SPTSSB: variants seen among roughly 807,000 people sequenced by gnomAD.
The protein encoded by SPTSSB is androgen down regulated in mouse prostate.
SPTSSB carries 6 observed loss-of-function variants against 7.7 expected under a neutral mutation model. The ratio of observed to expected loss-of-function variants is 0.78; its 90% CI spans 0.43 to 1.54. The LOEUF (loss-of-function observed/expected upper bound fraction) is 1.54. Among genes scored for constraint, SPTSSB ranks in the 40% most tolerant of loss-of-function variants. The probability of loss-of-function intolerance (pLI) is 0.01; values close to 1 mark genes in which losing one functional copy is unlikely to be tolerated. For synonymous variants in SPTSSB, 28 were observed against 29.7 expected (o/e 0.94, Z 0.19); for missense variants, 91 against 93.0 (o/e 0.98, Z 0.09).
chr3:161,369,425 G>A (rs1168626122), intron 1 of SPTSSB, among the ~76,000 whole-genome samples: 1 of 106,632 alleles, frequency 9.4e-6, no homozygotes, highest in African/African-American at 3.8e-5. Flanking sequence ...TAGCCATTCC[G>A]GTTGGTGTGA....
At chr3:161,358,673 T>C (rs1714886741) in intron 2 of SPTSSB, among the ~76,000 whole-genome samples, 1 of 152,180 alleles carries the variant, frequency 6.6e-6, no homozygotes, top group Non-Finnish European at 1.5e-5. Flanking sequence ...GGTTACTAAA[T>C]TCAAAACCAG....
rs78965286 is a variant in SPTSSB at position 161,365,744 on chromosome 3, C to T, written c.-126+5691G>A. Among the ~76,000 whole-genome samples the T allele has an allele frequency of 8.9e-3, 1,351 of 152,254 alleles. 23 individuals are homozygous for T. The highest frequency in any genetic ancestry group is 0.031 in the African/African-American group (1,305 of 41,536). ...ATTCTTAAACACTTTTCCTCTAAGC[C>T]TGAAATAAATGTATCCTTTTGACTT... On this transcript the variant is annotated intron_variant, in intron 1 of 2. Coordinates refer to ENST00000620149, the MANE Select transcript of SPTSSB (RefSeq NM_001040100.2).
intron 1 of SPTSSB, among the ~76,000 whole-genome samples, chr3:161,362,731 G>A (rs1715060362): frequency 6.6e-6 from 1 of 151,976 alleles, no homozygotes; most frequent in Admixed American, 6.6e-5. Context: ...ATTGTTAGAG[G>A]AACTGGGGCT....
At chr3:161,350,485 C>T (rs943810427) in intron 2 of SPTSSB, among the ~76,000 whole-genome samples, 5 of 152,156 alleles carry the variant, frequency 3.3e-5, no homozygotes, top group African/African-American at 1.2e-4. Context: ...AACTCCTTCT[C>T]AACTCACTTT....
chr3:161,365,308 A>G (rs1162620839), intron 1 of SPTSSB, among the ~76,000 whole-genome samples: 2 of 152,214 alleles, frequency 1.3e-5, no homozygotes, highest in Non-Finnish European at 2.9e-5. Context: ...TGTCAATAAG[A>G]TAGACATGGT....
At chr3:161,348,407 G>A (rs1714361136) in intron 2 of SPTSSB, among the ~76,000 whole-genome samples, 1 of 152,170 alleles carries the variant, frequency 6.6e-6, no homozygotes, top group South Asian at 2.1e-4. Context: ...CTTAATGATG[G>A]CCTTGAGAAA....
At chr3:161,347,971 G>A (rs900588507) in intron 2 of SPTSSB, 6 of 152,142 alleles carry the variant, frequency 3.9e-5, no homozygotes, top group African/African-American at 1.4e-4. Flanking sequence ...TTACCATGTG[G>A]CTCCTTCTGA....
At chr3:161,347,898 T>G (rs1295888294) in intron 2 of SPTSSB, 2 of 152,000 alleles carry the variant, frequency 1.3e-5, no homozygotes, top group Non-Finnish European at 2.9e-5. Flanking sequence ...ACTGCACTAA[T>G]TAAGTGATGA....
At chr3:161,352,204 T>G (rs151015542) in intron 2 of SPTSSB, among the ~76,000 whole-genome samples, 141 of 152,334 alleles carry the variant, frequency 9.3e-4, no homozygotes, top group African/African-American at 3.2e-3. Context: ...TTAAAGCCCT[T>G]CACAGTTTCA....
chr3:161,371,331 A>T, intron 1 of SPTSSB, 104 bp downstream of exon 1: 1 of 746,456 alleles, frequency 1.3e-6, no homozygotes, highest in Non-Finnish European at 1.6e-6. Flanking sequence ...AAACTGATAA[A>T]TTGCATTAAA....
At position 161,346,248 on chromosome 3, in the gene SPTSSB, A is replaced by G; in HGVS notation, c.76T>C (p.Leu26=). Residue 26 remains leucine, a synonymous_variant, in exon 3 of 3, where the codon TTA becomes CTA. Transcript: ENST00000620149. The part of the protein sequence containing the change: ...QYQIISCCAV[L]EPWERSMFNT... ...AACATAGATCGCTCCCAGGGCTCTAAAACAGCACAGCAGCTAATGATTTGG... is the reference window on the plus strand; with the variant it reads ...AACATAGATCGCTCCCAGGGCTCTAGAACAGCACAGCAGCTAATGATTTGG... The G allele has an allele frequency of 1.2e-6, 2 of 1,614,008 alleles. No individual in the cohort carries two copies. The highest frequency in any genetic ancestry group is 1.7e-6 in the Non-Finnish European group (2 of 1,179,906).
At chr3:161,364,007 C>T (rs1715117829) in intron 1 of SPTSSB, among the ~76,000 whole-genome samples, 1 of 151,986 alleles carries the variant, frequency 6.6e-6, no homozygotes, top group Non-Finnish European at 1.5e-5. Context: ...CTATTACTAT[C>T]CTAGTGTTAA....
intron 2 of SPTSSB, among the ~76,000 whole-genome samples, chr3:161,352,920 T>G (rs192649109): frequency 6.6e-6 from 1 of 152,296 alleles, no homozygotes; most frequent in East Asian, 1.9e-4. Context: ...CCTATTGAAA[T>G]AGCTCTTAGA....
intron 2 of SPTSSB, among the ~76,000 whole-genome samples, chr3:161,347,275 T>G (rs1281695774): frequency 2.2e-4 from 33 of 152,144 alleles, no homozygotes. Flanking sequence ...TTTATTTGTT[T>G]TTGAGAGAGT....
At chr3:161,357,911 C>A (rs944050943) in intron 2 of SPTSSB, among the ~76,000 whole-genome samples, 1 of 151,854 alleles carries the variant, frequency 6.6e-6, no homozygotes, top group Non-Finnish European at 1.5e-5. Context: ...TATCAGAGAA[C>A]AAACTTCTGT....
At position 161,345,873 on chromosome 3, in the gene SPTSSB, C is replaced by CA. The variant is rs1714197362; in HGVS notation, c.*219dup. 5.1e-6 allele frequency: 2 copies of CA among 394,932 alleles called. No individual in the cohort carries two copies. Among genetic ancestry groups the CA allele is most frequent in the Admixed American group, 4.1e-5 (1 of 24,196 alleles). The allele number at this position is 394,932 out of a possible 1,614,324, so 24.5% of individuals were successfully genotyped here. A position where few individuals can be genotyped will look rare whatever the true frequency, so the allele number is the denominator to read the frequency against. On this transcript the variant is annotated 3_prime_UTR_variant, in exon 3 of 3. Transcript: ENST00000620149. ...CAGAATATGATTTGTGAGGTAAAGT[C>CA]ACTGTATTATCTCCGGTCTAAAGCA... is the stretch of plus-strand genomic sequence containing the variant.
chr3:161,369,962 G>A (rs1291738606), intron 1 of SPTSSB, among the ~76,000 whole-genome samples: 1 of 152,140 alleles, frequency 6.6e-6, no homozygotes, highest in Non-Finnish European at 1.5e-5. Context: ...AACTTTAAAT[G>A]GTTATTTATC....
At chr3:161,351,864 C>T (rs1298390001) in intron 2 of SPTSSB, among the ~76,000 whole-genome samples, 1 of 152,212 alleles carries the variant, frequency 6.6e-6, no homozygotes, top group Non-Finnish European at 1.5e-5. Context: ...GTTAGCTTCT[C>T]TAAGATGTCT....
chr3:161,353,260 T>C (rs1714624474), intron 2 of SPTSSB, among the ~76,000 whole-genome samples: 1 of 152,188 alleles, frequency 6.6e-6, no homozygotes, highest in African/African-American at 2.4e-5. Context: ...TGTCATTACT[T>C]GTAGATTTGT....
Sources: gnomAD v4.1 joint callset for allele counts (sites outside exome capture counted in the v4.1 genomes callset) on GRCh38, gnomAD v4.1.1 for gene constraint, MANE v1.5 for transcripts, NCBI Gene and HGNC (gene_info 2026-07-23, HGNC 2026-07-21) for gene names.